The following LRIG1 variants were observed in gnomAD, a reference collection of about 807,000 sequenced individuals.
The protein encoded by LRIG1 is leucine-rich repeats and immunoglobulin-like domains protein 1.
LRIG1 carries 48 observed loss-of-function variants against 99.2 expected under a neutral mutation model. That is an observed-to-expected ratio of 0.48 (90% CI 0.38 to 0.62). LRIG1 has a LOEUF of 0.62. Among genes scored for constraint, LRIG1 ranks in the 20% least tolerant of loss-of-function variants. The pLI is 0.00. For synonymous variants in LRIG1, 772 were observed against 596.1 expected (o/e 1.29, Z -4.30); for missense variants, 1,646 against 1,434.4 (o/e 1.15, Z -2.38).
At chr3:66,489,851 A>C (rs1335367855) in intron 1 of LRIG1, among the ~76,000 whole-genome samples, 1 of 152,128 alleles carries the variant, frequency 6.6e-6, no homozygotes, top group Non-Finnish European at 1.5e-5. Context: ...CATGACTTTA[A>C]GAAAATTAAT....
intron 12 of LRIG1, among the ~76,000 whole-genome samples, chr3:66,390,014 AAAG>A (rs764743957): frequency 1.2e-4 from 19 of 152,242 alleles, no homozygotes; most frequent in Admixed American, 6.5e-4. Flanking sequence ...TAATAACTAA[AAAG>A]AAGTCAGATG....
intron 11 of LRIG1, among the ~76,000 whole-genome samples, chr3:66,395,488 G>A (rs185211754): frequency 1.3e-5 from 2 of 152,100 alleles, no homozygotes; most frequent in African/African-American, 2.4e-5. Context: ...TAGATGAGTT[G>A]GGCATCTTAT....
At chr3:66,453,756 A>G (rs1703983237) in intron 2 of LRIG1, among the ~76,000 whole-genome samples, 1 of 152,196 alleles carries the variant, frequency 6.6e-6, no homozygotes, top group South Asian at 2.1e-4. Context: ...TGGAAAGCTC[A>G]TAATCCCTTA....
intron 9 of LRIG1, among the ~76,000 whole-genome samples, 164 bp from the exon 10 acceptor site, chr3:66,399,205 G>A (rs1257185955): frequency 6.6e-6 from 1 of 152,250 alleles, no homozygotes; most frequent in Non-Finnish European, 1.5e-5. Flanking sequence ...TGAGATTACG[G>A]GTTTGAGGCA....
At chr3:66,405,752 C>G (rs1378847237) in intron 8 of LRIG1, 1 of 1,155,430 alleles carries the variant, frequency 8.7e-7, no homozygotes, top group Non-Finnish European at 1.1e-6. Flanking sequence ...CGCCTCCGTA[C>G]CAGCCAGTGG....
At chr3:66,381,749 C>A in intron 16 of LRIG1, 118 bp from the exon 17 acceptor site, 7 of 1,130,560 alleles carry the variant, frequency 6.2e-6, no homozygotes, top group Non-Finnish European at 8.8e-6. Flanking sequence ...TTCTTCAGAG[C>A]GGTGGGGCTG....
chr3:66,496,968 T>C (rs1474237161), intron 1 of LRIG1, among the ~76,000 whole-genome samples: 1 of 152,230 alleles, frequency 6.6e-6, no homozygotes, highest in African/African-American at 2.4e-5. Context: ...TAATCATAAG[T>C]ACCACTTCTT....
chr3:66,426,273 G>A (rs537895026), intron 3 of LRIG1, among the ~76,000 whole-genome samples: 1 of 152,298 alleles, frequency 6.6e-6, no homozygotes, highest in East Asian at 1.9e-4. Flanking sequence ...TAATGTAAAA[G>A]CAGCCAGACA....
At chr3:66,494,982 G>A (rs1255516222) in intron 1 of LRIG1, among the ~76,000 whole-genome samples, 2 of 152,156 alleles carry the variant, frequency 1.3e-5, no homozygotes, top group African/African-American at 4.8e-5. Context: ...AGGTCCCAGA[G>A]GTAAACTATT....
chr3:66,484,717 C>A (rs1700931123), intron 1 of LRIG1, among the ~76,000 whole-genome samples: 1 of 152,152 alleles, frequency 6.6e-6, no homozygotes, highest in Admixed American at 6.5e-5. Context: ...CAATGGGATT[C>A]ATGTGCTCCA....
chr3:66,462,480 A>G lies in LRIG1; in HGVS notation c.248T>C (p.Ile83Thr). The change falls in exon 2 of 19, where the codon ATT (isoleucine) becomes ACT (threonine). Residue 83 changes from isoleucine to threonine, a missense_variant. Coordinates refer to ENST00000273261, the MANE Select transcript of LRIG1 (RefSeq NM_015541.3). ...CAAGTCCTCAAAACCAGCAGGGTCA[A>G]TCTCAGAGAGTTTGTTGTAACTCAG... ...LNLSYNKLSE[I>T]DPAGFEDLPN... The G allele has an allele frequency of 1.2e-6, 2 of 1,612,876 alleles. No individual in the cohort carries two copies.
At chr3:66,396,396 G>A (rs783513) in intron 11 of LRIG1, among the ~76,000 whole-genome samples, 10,349 of 152,224 alleles carry the variant, frequency 0.068, 439 homozygotes, top group African/African-American at 0.12. Context: ...GCATTTTCAC[G>A]ATTCCAACTC....
At chr3:66,467,253 A>C (rs926093826) in intron 1 of LRIG1, among the ~76,000 whole-genome samples, 8 of 152,152 alleles carry the variant, frequency 5.3e-5, no homozygotes, top group South Asian at 2.1e-4. Flanking sequence ...CCACTATCTA[A>C]ATCTGTGCTG....
At chr3:66,415,509 A>G (rs575549603) in intron 4 of LRIG1, among the ~76,000 whole-genome samples, 1 of 152,370 alleles carries the variant, frequency 6.6e-6, no homozygotes, top group African/African-American at 2.4e-5. Flanking sequence ...AATAGCCTTT[A>G]GTTTTGAGGT....
At chr3:66,393,898 G>C in intron 12 of LRIG1, 142 bp downstream of exon 12, 1 of 850,932 alleles carries the variant, frequency 1.2e-6, no homozygotes, top group East Asian at 2.7e-5. Context: ...GTTTCAGCAA[G>C]AAATAAATTG....
intron 4 of LRIG1, 70 bp downstream of exon 4, chr3:66,417,059 G>T: frequency 6.3e-7 from 1 of 1,581,234 alleles, no homozygotes; most frequent in Non-Finnish European, 8.6e-7. Flanking sequence ...TCCAGAACTG[G>T]GTGCCGGTGA....
At chr3:66,456,445 C>T (rs548411132) in intron 2 of LRIG1, among the ~76,000 whole-genome samples, 4 of 151,958 alleles carry the variant, frequency 2.6e-5, no homozygotes, top group Non-Finnish European at 2.9e-5. Flanking sequence ...TGGTTGTGCA[C>T]GCCTGTAGTT....
chr3:66,437,679 A>G (rs886458317), intron 3 of LRIG1, among the ~76,000 whole-genome samples: 1 of 152,076 alleles, frequency 6.6e-6, no homozygotes, highest in African/African-American at 2.4e-5. Flanking sequence ...TCATCCATAC[A>G]TGGATGGGAT....
chr3:66,430,366 G>C (rs1458237389), intron 3 of LRIG1, among the ~76,000 whole-genome samples: 1 of 152,186 alleles, frequency 6.6e-6, no homozygotes, highest in Non-Finnish European at 1.5e-5. Context: ...ACGGGGTGGG[G>C]GTTACTTACG....
Sources: gnomAD v4.1 joint callset for allele counts (sites outside exome capture counted in the v4.1 genomes callset) on GRCh38, gnomAD v4.1.1 for gene constraint, MANE v1.5 for transcripts, NCBI Gene and HGNC (gene_info 2026-07-23, HGNC 2026-07-21) for gene names.